The following NRXN3 variants were observed in gnomAD, a reference collection of about 807,000 sequenced individuals.
NRXN3 encodes neurexin 3, also known as neurexin III.
In NRXN3, 32 loss-of-function variants were observed where a neutral mutation model predicts 137.6. The observed-to-expected ratio is 0.23, with a 90% CI of 0.18 to 0.31. The LOEUF is 0.31. Among genes scored for constraint, NRXN3 ranks in the 10% least tolerant of loss-of-function variants. The probability of loss-of-function intolerance (pLI) is 1.00; values close to 1 mark genes in which losing one functional copy is unlikely to be tolerated. For missense variants in NRXN3, 1,574 were observed against 2,062.5 expected (o/e 0.76, Z 4.59); for synonymous variants, 798 against 784.5 (o/e 1.02, Z -0.29).
At position 79,056,028 on chromosome 14, in the gene NRXN3, A is replaced by G. The variant is rs1038713207; in HGVS notation, c.3262+67887A>G. 6.6e-5 allele frequency among the ~76,000 whole-genome samples: 10 copies of G among 152,336 alleles called. No homozygotes were observed. In the South Asian group the frequency reaches 1.0e-3, roughly 16 times the overall value. On this transcript the variant is annotated intron_variant, in intron 15 of 20. Coordinates refer to ENST00000335750, the MANE Select transcript of NRXN3 (RefSeq NM_001330195.2). ...AATTATATGATTTCTTTTGACTTCA[A>G]AATGGAAAATACATGTCGATATTGG...
At chr14:79,724,397 A>G (rs1189573275) in intron 19 of NRXN3, among the ~76,000 whole-genome samples, 1 of 152,158 alleles carries the variant, frequency 6.6e-6, no homozygotes, top group Non-Finnish European at 1.5e-5. Context: ...TGTAATATAT[A>G]CAATGATTTT....
chr14:79,524,499 C>T (rs530447744), intron 16 of NRXN3, among the ~76,000 whole-genome samples: 3 of 152,016 alleles, frequency 2.0e-5, no homozygotes, highest in South Asian at 2.1e-4. Flanking sequence ...ATATGATGAT[C>T]GACAATAAAG....
chr14:79,557,727 T>G (rs2153767592), intron 16 of NRXN3, among the ~76,000 whole-genome samples: 1 of 152,282 alleles, frequency 6.6e-6, no homozygotes, highest in African/African-American at 2.4e-5. Context: ...TGTCTTGATG[T>G]TGATAGCTAC....
At chr14:78,262,007 G>A (rs1364632620) in intron 2 of NRXN3, among the ~76,000 whole-genome samples, 1 of 152,176 alleles carries the variant, frequency 6.6e-6, no homozygotes, top group African/African-American at 2.4e-5. Context: ...CTTGTGATGA[G>A]TGCTGTAGAT....
chr14:78,643,091 A>G (rs915351256), intron 4 of NRXN3, among the ~76,000 whole-genome samples: 1 of 152,320 alleles, frequency 6.6e-6, no homozygotes, highest in African/African-American at 2.4e-5. Context: ...TGTTTTAATG[A>G]TGTCATAATG....
At chr14:78,251,394 G>A (rs375265973) in intron 2 of NRXN3, among the ~76,000 whole-genome samples, 1 of 152,162 alleles carries the variant, frequency 6.6e-6, no homozygotes, top group African/African-American at 2.4e-5. Context: ...TCAGTTGCAC[G>A]GGTCCCTTCT....
chr14:79,328,923 AAAG>A (rs1199616405), intron 15 of NRXN3, among the ~76,000 whole-genome samples: 3 of 151,940 alleles, frequency 2.0e-5, no homozygotes, highest in African/African-American at 7.3e-5. Context: ...ACTGAAAAGA[AAAG>A]AAACTGAGTT....
At chr14:78,739,658 G>A (rs569288231) in intron 8 of NRXN3, among the ~76,000 whole-genome samples, 28 of 152,250 alleles carry the variant, frequency 1.8e-4, no homozygotes, top group African/African-American at 6.7e-4. Context: ...TTTTAGTAGA[G>A]ATGGGGTTTC....
intron 15 of NRXN3, among the ~76,000 whole-genome samples, chr14:79,357,981 C>T (rs1418304884): frequency 6.6e-6 from 1 of 152,172 alleles, no homozygotes; most frequent in Non-Finnish European, 1.5e-5. Context: ...AGGTTAGTAA[C>T]ATCAAGCAGT....
chr14:79,819,931 C>A (rs533247335), intron 20 of NRXN3, among the ~76,000 whole-genome samples: 64 of 152,186 alleles, frequency 4.2e-4, no homozygotes, highest in African/African-American at 1.5e-3. Flanking sequence ...TCTTGCCCTT[C>A]GCTTTGCCAG....
chr14:79,144,255 G>T (rs1349673609), intron 15 of NRXN3, among the ~76,000 whole-genome samples: 1 of 152,156 alleles, frequency 6.6e-6, no homozygotes. Context: ...TTGTACAATG[G>T]CTGGCCAAAT....
chr14:79,232,824 C>T (rs969609693), intron 15 of NRXN3, among the ~76,000 whole-genome samples: 1 of 152,164 alleles, frequency 6.6e-6, no homozygotes, highest in Non-Finnish European at 1.5e-5. Flanking sequence ...CAACTTTCTT[C>T]TATGTAAAGT....
At chr14:79,829,917 A>G (rs1197144414) in intron 20 of NRXN3, among the ~76,000 whole-genome samples, 15 of 152,228 alleles carry the variant, frequency 9.9e-5, no homozygotes, top group Admixed American at 7.2e-4. Context: ...TAGAGAAGAT[A>G]TGCTCTACAG....
At position 79,040,935 on chromosome 14, in the gene NRXN3, C is replaced by T. The variant is rs139230174; in HGVS notation, c.3262+52794C>T. Among the ~76,000 whole-genome samples the T allele has an allele frequency of 3.1e-4, 47 of 152,262 alleles. No homozygotes were observed. In the East Asian group the frequency reaches 8.7e-3, roughly 28 times the overall value. On this transcript the variant is annotated intron_variant, in intron 15 of 20. Transcript: ENST00000335750. ...CCTTTCTTATCTGTGTGGCTGTGGGCATGTCCTAGTTAGGCAAGTCCCATT... is the reference window on the plus strand; with the variant it reads ...CCTTTCTTATCTGTGTGGCTGTGGGTATGTCCTAGTTAGGCAAGTCCCATT...
intron 16 of NRXN3, among the ~76,000 whole-genome samples, chr14:79,489,988 G>A (rs540091016): frequency 2.9e-4 from 40 of 136,442 alleles, no homozygotes; most frequent in African/African-American, 1.0e-3. Flanking sequence ...GCAGTGAGCC[G>A]AGATCACGCC....
At chr14:78,432,399 G>A (rs1490657638) in intron 4 of NRXN3, among the ~76,000 whole-genome samples, 2 of 151,288 alleles carry the variant, frequency 1.3e-5, no homozygotes, top group East Asian at 3.9e-4. Flanking sequence ...TTGACCCCTT[G>A]CTGCCTGCCA....
intron 15 of NRXN3, among the ~76,000 whole-genome samples, chr14:79,094,793 A>G (rs1206832040): frequency 6.6e-6 from 1 of 152,138 alleles, no homozygotes; most frequent in Non-Finnish European, 1.5e-5. Context: ...AGCAAGCCTT[A>G]CTGAATTTCC....
chr14:78,280,285 T>C (rs1174928210), intron 3 of NRXN3, among the ~76,000 whole-genome samples: 1 of 152,196 alleles, frequency 6.6e-6, no homozygotes, highest in African/African-American at 2.4e-5. Context: ...TATGCATACA[T>C]ATATACACAC....
intron 6 of NRXN3, among the ~76,000 whole-genome samples, chr14:78,707,346 C>G (rs1204328380): frequency 6.6e-6 from 1 of 152,176 alleles, no homozygotes; most frequent in Non-Finnish European, 1.5e-5. Flanking sequence ...GCTCAATACT[C>G]AGATCCTTGT....
Sources: allele counts gnomAD v4.1 joint callset (sites outside exome capture counted in the v4.1 genomes callset), GRCh38; gene constraint gnomAD v4.1.1; transcripts MANE v1.5; gene names NCBI Gene and HGNC (gene_info 2026-07-23, HGNC 2026-07-21).